The following IPO11 variants were observed in gnomAD, a reference collection of about 807,000 sequenced individuals.
IPO11 encodes the protein importin-11.
A neutral mutation model predicts 143.2 loss-of-function variants in IPO11; 66 were observed. The observed-to-expected ratio is 0.46, with a 90% confidence interval of 0.38 to 0.57. The LOEUF (loss-of-function observed/expected upper bound fraction) is 0.57, where lower values mean the gene tolerates loss of function less well. IPO11 is among the 20% of genes least tolerant of loss of function. The pLI is 0.00. For synonymous variants in IPO11, 385 were observed against 377.8 expected, an observed-to-expected ratio of 1.02 and a Z score of -0.22; for missense variants, 1,026 against 1,141.0, an observed-to-expected ratio of 0.90 and a Z score of 1.45.
intron 27 of IPO11, among the ~76,000 whole-genome samples, chr5:62,570,850 C>T (rs963684654): frequency 6.6e-6 from 1 of 152,148 alleles, no homozygotes; most frequent in African/African-American, 2.4e-5. Context: ...AACATATCAC[C>T]TAAGAAAAAC....
intron 4 of IPO11, among the ~76,000 whole-genome samples, chr5:62,451,373 A>G (rs967180385): frequency 6.6e-6 from 1 of 152,230 alleles, no homozygotes; most frequent in African/African-American, 2.4e-5. Flanking sequence ...AATAAAAATT[A>G]GTGAGAAAGG....
At chr5:62,601,887 A>G (rs375372993) in intron 29 of IPO11, 39 bp downstream of exon 29, 10 of 1,275,784 alleles carry the variant, frequency 7.8e-6, no homozygotes, top group Non-Finnish European at 1.1e-5. Context: ...TAAGAACCAT[A>G]TATTATCATT....
chr5:62,509,962 G>A (rs1256077892), intron 19 of IPO11, among the ~76,000 whole-genome samples: 2 of 151,974 alleles, frequency 1.3e-5, no homozygotes, highest in Non-Finnish European at 2.9e-5. Context: ...CATTTTTTTT[G>A]GAAGCTCAAT....
At chr5:62,597,324 GTTAAAC>G (rs1226960309) in intron 28 of IPO11, among the ~76,000 whole-genome samples, 63 of 152,352 alleles carry the variant, frequency 4.1e-4, no homozygotes, top group Non-Finnish European at 3.7e-4. Context: ...TTTATCAGGT[GTTAAAC>G]TTAAGACAAA....
At chr5:62,482,625 A>G (rs1156236601) in intron 9 of IPO11, among the ~76,000 whole-genome samples, 3 of 152,206 alleles carry the variant, frequency 2.0e-5, no homozygotes, top group South Asian at 2.1e-4. Context: ...GAGTTACACA[A>G]TGATGGCATT....
At chr5:62,498,049 TAAAC>T (rs1422000343) in intron 16 of IPO11, among the ~76,000 whole-genome samples, 5 of 152,180 alleles carry the variant, frequency 3.3e-5, no homozygotes, top group African/African-American at 2.4e-5. Context: ...TGTTGTTTCT[TAAAC>T]AACAGCTTTA....
At chr5:62,526,356 C>G in intron 21 of IPO11, 99 bp downstream of exon 21, 1 of 770,220 alleles carries the variant, frequency 1.3e-6, no homozygotes, top group South Asian at 1.6e-5. Flanking sequence ...GCTTTAAAAA[C>G]AGAAAATGTA....
Position 62,489,283 on chromosome 5 carries a change from TTA to T in IPO11, c.1310-9_1310-8del, listed in dbSNP as rs751447659. 5.8e-5 allele frequency: 82 copies of T among 1,405,960 alleles called. No individual in the cohort carries two copies. Among genetic ancestry groups the T allele is most frequent in the South Asian group, 6.8e-5 (5 of 73,394 alleles). The allele number at this position is 1,405,960 out of a possible 1,614,324, so 87.1% of individuals were successfully genotyped here. ...TTTATTTGCTTTTACTGATACCTAT[TTA>T]TATATATATTTTTTAGGACCCACAA... is the stretch of plus-strand genomic sequence containing the variant. On this transcript the variant is annotated splice_polypyrimidine_tract_variant and intron_variant, in intron 13 of 29. Transcript: ENST00000325324.
chr5:62,489,978 A>G (rs905605708), intron 14 of IPO11, 137 bp from the exon 15 acceptor site: 1 of 425,148 alleles, frequency 2.4e-6, no homozygotes, highest in African/African-American at 2.1e-5. Context: ...TATTTCTTCT[A>G]CTTAAATTAT....
intron 20 of IPO11, among the ~76,000 whole-genome samples, chr5:62,519,047 G>T (rs766459558): frequency 3.3e-5 from 5 of 152,132 alleles, no homozygotes; most frequent in Non-Finnish European, 7.4e-5. Context: ...GGAGGGTGAG[G>T]CGGGGCACAT....
rs545335984 is a variant in IPO11 at position 62,450,325 on chromosome 5, A to G, written c.312+326A>G. Among the ~76,000 whole-genome samples, 121 of 152,296 alleles carry G rather than the reference A, an allele frequency of 7.9e-4. 8 individuals are homozygous for G. The highest frequency in any genetic ancestry group is 2.6e-4 in the Non-Finnish European group (18 of 68,012). On this transcript the variant is annotated intron_variant, in intron 4 of 29. Coordinates refer to ENST00000325324, the MANE Select transcript of IPO11 (RefSeq NM_016338.5). ...GTTATTTTGGACAACAGTGGACTGC[A>G]TGTATAATCGTGGTCCCATAGGGTT...
rs150643393 is a variant in IPO11, at chr5:62,546,509, A to C, written c.2251-3858A>C. 3.0e-3 allele frequency among the ~76,000 whole-genome samples: 459 copies of C among 152,230 alleles called. 1 individual carries two copies. Among genetic ancestry groups the C allele is most frequent in the Non-Finnish European group, 5.3e-3 (361 of 67,996 alleles). ...ATATACCTAATGTAAATGACGAGCT[A>C]ATGGGTGCAGCACACCAACATGGCA... On this transcript the variant is annotated intron_variant, in intron 24 of 29. Coordinates refer to ENST00000325324, the MANE Select transcript of IPO11 (RefSeq NM_016338.5).
chr5:62,582,511 A>G (rs1480390389), intron 27 of IPO11, among the ~76,000 whole-genome samples: 3 of 152,320 alleles, frequency 2.0e-5, no homozygotes, highest in African/African-American at 7.2e-5. Context: ...GGAAATATAT[A>G]TCATGCAGAA....
chr5:62,509,849 T>A (rs755283386), intron 19 of IPO11, among the ~76,000 whole-genome samples: 1 of 152,256 alleles, frequency 6.6e-6, no homozygotes, highest in African/African-American at 2.4e-5. Context: ...AGTGCTACAG[T>A]AAACATGGTA....
At chr5:62,548,282 C>T (rs1743276177) in intron 24 of IPO11, among the ~76,000 whole-genome samples, 1 of 152,138 alleles carries the variant, frequency 6.6e-6, no homozygotes, top group African/African-American at 2.4e-5. Context: ...AACTGTCTGA[C>T]AGATGTCCAA....
intron 3 of IPO11, among the ~76,000 whole-genome samples, chr5:62,446,980 A>T (rs1158152341): frequency 6.6e-6 from 1 of 152,014 alleles, no homozygotes; most frequent in East Asian, 1.9e-4. Flanking sequence ...AAAAAAAAAA[A>T]ATCAACTTTG....
intron 28 of IPO11, among the ~76,000 whole-genome samples, chr5:62,595,788 G>C (rs970315282): frequency 1.3e-5 from 2 of 152,102 alleles, no homozygotes; most frequent in East Asian, 1.9e-4. Context: ...TTTTTAGCTA[G>C]AGTTTTTATT....
At chr5:62,568,490 C>G (rs556069811) in intron 27 of IPO11, among the ~76,000 whole-genome samples, 1 of 140,240 alleles carries the variant, frequency 7.1e-6, no homozygotes, top group South Asian at 2.3e-4. Context: ...TGGAGACTCA[C>G]TTGAACCCAG....
In IPO11 at chr5:62,499,814, T is replaced by C. The variant is rs1462963086; in HGVS notation, c.1591-4853T>C. ...CTGTAAGCTTTTTTTATTTTACAGTTTTTTCCACTTCTAGTAATTTTTCTT... is the reference window on the plus strand; with the variant it reads ...CTGTAAGCTTTTTTTATTTTACAGTCTTTTCCACTTCTAGTAATTTTTCTT... On this transcript the variant is annotated intron_variant, in intron 16 of 29. Transcript: ENST00000325324. Among the ~76,000 whole-genome samples the C allele has an allele frequency of 5.3e-5, 8 of 152,178 alleles. No individual in the cohort carries two copies. In the East Asian group the frequency reaches 1.5e-3, roughly 29 times the overall value.
Sources: allele counts gnomAD v4.1 joint callset (sites outside exome capture counted in the v4.1 genomes callset), GRCh38; gene constraint gnomAD v4.1.1; transcripts MANE v1.5; gene names NCBI Gene and HGNC (gene_info 2026-07-23, HGNC 2026-07-21).